OCRL: variants seen among roughly 807,000 people sequenced by gnomAD.
OCRL encodes the protein OCRL inositol polyphosphate-5-phosphatase, also known as inositol polyphosphate 5-phosphatase OCRL.
In OCRL, 8 loss-of-function variants were observed where a neutral mutation model predicts 78.9. That is an observed-to-expected ratio of 0.10 (90% CI 0.06 to 0.18). The LOEUF is 0.18. OCRL is among the 10% of genes least tolerant of loss of function. The pLI is 1.00. For missense variants in OCRL, 454 were observed against 696.7 expected, an observed-to-expected ratio of 0.65 and a Z score of 3.92; for synonymous variants, 240 against 235.4, an observed-to-expected ratio of 1.02 and a Z score of -0.18.
chrX:129,556,306 G>C (rs1936048907), intron 4 of OCRL, among the ~76,000 whole-genome samples: 3 of 111,556 alleles, frequency 2.7e-5, no homozygotes, highest in Admixed American at 9.5e-5. Context: ...TGACCAGCAA[G>C]CCTTATTTGC....
At chrX:129,560,100 T>G (rs1205564924) in intron 8 of OCRL, among the ~76,000 whole-genome samples, 2 of 112,295 alleles carry the variant, frequency 1.8e-5, no homozygotes, top group African/African-American at 6.5e-5. Context: ...TATGTCTGCC[T>G]CATCAGAATT....
intron 18 of OCRL, among the ~76,000 whole-genome samples, chrX:129,582,001 A>G (rs1373942950): frequency 9.3e-6 from 1 of 107,271 alleles, no homozygotes; most frequent in African/African-American, 3.4e-5. Flanking sequence ...ATACAATCCA[A>G]ATGCCTTAAT....
At chrX:129,572,992 T>C (rs1473272666) in intron 15 of OCRL, among the ~76,000 whole-genome samples, 1 of 112,163 alleles carries the variant, frequency 8.9e-6, no homozygotes, top group African/African-American at 3.2e-5. Context: ...GCCTTCCAGG[T>C]TGTGAAAATA....
chrX:129,564,726 T>TG (rs2124408350), intron 12 of OCRL, among the ~76,000 whole-genome samples: 1 of 94,808 alleles, frequency 1.1e-5, no homozygotes, highest in East Asian at 3.4e-4. Context: ...TGTTGTGGGG[T>TG]GGGGGGAGCG....
chrX:129,574,451 T>C (rs777083435), intron 15 of OCRL, among the ~76,000 whole-genome samples: 1 of 112,633 alleles, frequency 8.9e-6, no homozygotes, highest in Non-Finnish European at 1.9e-5. Context: ...ATGGTTTTAC[T>C]CTAGTCTAGG....
At chrX:129,564,422 G>A (rs1274619389) in intron 12 of OCRL, among the ~76,000 whole-genome samples, 18 of 111,028 alleles carry the variant, frequency 1.6e-4, no homozygotes, top group South Asian at 3.9e-4. Flanking sequence ...ATATGCACAC[G>A]TATGTTTATC....
chrX:129,547,878 G>C, intron 3 of OCRL, among the ~76,000 whole-genome samples: 1 of 111,654 alleles, frequency 9.0e-6, no homozygotes. Flanking sequence ...AGGTGCACTT[G>C]GTCAAATCCA....
chrX:129,586,539 C>T (rs969751631), intron 19 of OCRL, among the ~76,000 whole-genome samples: 14 of 112,187 alleles, frequency 1.2e-4, no homozygotes, highest in Admixed American at 8.5e-4. Context: ...TGAAAACAAA[C>T]AACAGTATCT....
At chrX:129,575,378 C>A in intron 16 of OCRL, 128 bp downstream of exon 16, 1 of 463,153 alleles carries the variant, frequency 2.2e-6, no homozygotes, top group Non-Finnish European at 3.8e-6. Context: ...TGCCTCCATT[C>A]CAGTTGTAGC....
rs767989733 is a variant in OCRL, at chrX:129,579,469, C to T, written c.2115+2917C>T. Among the ~76,000 whole-genome samples, 5 of 111,759 alleles carry T rather than the reference C, an allele frequency of 4.5e-5. No homozygotes were observed. The South Asian group carries it at 1.1e-3, about 25-fold the overall frequency. On this transcript the variant is annotated intron_variant, in intron 18 of 23. Transcript: ENST00000371113. ...AACGAGTTCAATGTATGTGTTGTCT[C>T]TCTATGTACTGTTTTAGAAAGATCC...
At chrX:129,546,441 G>A (rs1935879679) in intron 3 of OCRL, among the ~76,000 whole-genome samples, 1 of 112,424 alleles carries the variant, frequency 8.9e-6, no homozygotes, top group Admixed American at 9.4e-5. Context: ...ATTTCCTCAG[G>A]ATGTATTCCT....
chrX:129,562,256 A>G (rs1047631213), intron 10 of OCRL, 128 bp from the exon 11 acceptor site: 3 of 574,778 alleles, frequency 5.2e-6, no homozygotes, highest in African/African-American at 2.2e-5. Flanking sequence ...CCACTGAGAA[A>G]TTAGAGGATA....
intron 4 of OCRL, chrX:129,554,439 T>C (rs1235151775): frequency 3.6e-5 from 4 of 111,420 alleles, no homozygotes; most frequent in Non-Finnish European, 7.5e-5. Context: ...GAAAGTCTTA[T>C]GAGCCAGGTA....
chrX:129,572,072 CTAATT>C (rs1242692574), intron 15 of OCRL, among the ~76,000 whole-genome samples: 3 of 112,188 alleles, frequency 2.7e-5, no homozygotes, highest in Admixed American at 9.4e-5. Context: ...AACTGAACTT[CTAATT>C]TAATTTAATT....
Position 129,540,661 on chromosome X carries a change from G to GA in OCRL, c.40-83_40-82insA. On this transcript the variant is annotated intron_variant, in intron 1 of 23. Coordinates refer to ENST00000371113, the MANE Select transcript of OCRL (RefSeq NM_000276.4). ...GGCGGGGGAGGGCGGCGGTGGGGGG[G>GA]GGGTGGAAGACCCCCTTCGCCCCGC... The GA allele has an allele frequency of 4.9e-6, 4 of 822,862 alleles. No homozygotes were observed. The Admixed American group carries it at 7.0e-5, about 14-fold the overall frequency. 67.8% of individuals were successfully genotyped at this position (822,862 alleles called of 1,213,427 possible).
At chrX:129,547,902 G>A (rs1935910989) in intron 3 of OCRL, among the ~76,000 whole-genome samples, 1 of 111,814 alleles carries the variant, frequency 8.9e-6, no homozygotes, top group Non-Finnish European at 1.9e-5. Flanking sequence ...AAATCAGAGG[G>A]GAAGAGATAG....
At position 129,591,782 on chromosome X, in the gene OCRL, G is replaced by C. The variant is rs1936591050; in HGVS notation, c.*1512G>C. The C allele has an allele frequency of 8.9e-6, 1 of 111,950 alleles. No homozygotes were observed. 9.2% of individuals were successfully genotyped at this position (111,950 alleles called of 1,213,427 possible). Reference sequence around the variant, plus strand: ...AATATGGCTAAACCCTTTCCTGATTGAGAGTTAAAGCAATAGGAGTCAAGT... The same window carrying C: ...AATATGGCTAAACCCTTTCCTGATTCAGAGTTAAAGCAATAGGAGTCAAGT... On this transcript the variant is annotated 3_prime_UTR_variant, in exon 24 of 24. Transcript: ENST00000371113.
rs773474778 is a variant in OCRL at position 129,584,509 on chromosome X, C to CTTAA, written c.2139+143_2139+146dup. On this transcript the variant is annotated intron_variant, in intron 19 of 23. Coordinates refer to ENST00000371113, the MANE Select transcript of OCRL (RefSeq NM_000276.4). ...CTCCCCTAAAGTCCTGCCGGCTGTCCTTAAGTGTGTTTGAAGTACAGGAAA... is the reference window on the plus strand; with the variant it reads ...CTCCCCTAAAGTCCTGCCGGCTGTCCTTAATTAAGTGTGTTTGAAGTACAGGAAA... The CTTAA allele has an allele frequency of 8.3e-5, 45 of 543,430 alleles. 1 individual carries two copies. The South Asian group carries it at 1.1e-3, about 13-fold the overall frequency. The allele number at this position is 543,430 out of a possible 1,213,427, so 44.8% of individuals were successfully genotyped here.
chrX:129,555,931 A>T (rs906197773), intron 4 of OCRL, among the ~76,000 whole-genome samples: 3 of 111,569 alleles, frequency 2.7e-5, no homozygotes, highest in Admixed American at 9.5e-5. Flanking sequence ...CTATATCTTC[A>T]TGGCTGCTAT....
Sources: allele counts gnomAD v4.1 joint callset (sites outside exome capture counted in the v4.1 genomes callset), GRCh38; gene constraint gnomAD v4.1.1; transcripts MANE v1.5; gene names NCBI Gene and HGNC (gene_info 2026-07-23, HGNC 2026-07-21).